Variants in ACSM6 observed in about 807,000 individuals in gnomAD.
ACSM6 encodes acyl-coenzyme A synthetase ACSM6, mitochondrial.
In ACSM6, 35 loss-of-function variants were observed where a neutral mutation model predicts 51.1. That is an observed-to-expected ratio of 0.69 (90% CI 0.52 to 0.91). The LOEUF (loss-of-function observed/expected upper bound fraction) is 0.91, where lower values mean the gene tolerates loss of function less well. ACSM6 is among the 40% of genes least tolerant of loss of function. The pLI is 0.00. For missense variants in ACSM6, 509 were observed against 584.1 expected (o/e 0.87, Z 1.32); for synonymous variants, 172 against 207.3 (o/e 0.83, Z 1.46).
At chr10:95,215,346 AATAAAGGAGAAATGGGTT>A (rs981046436) in intron 8 of ACSM6, among the ~76,000 whole-genome samples, 1 of 152,196 alleles carries the variant, frequency 6.6e-6, no homozygotes, top group Non-Finnish European at 1.5e-5. Flanking sequence ...AGATTATGAA[AATAAAGGAGAAATGGGTT>A]ATGATAAGAG....
At chr10:95,203,334 T>G (rs939626772) in intron 3 of ACSM6, among the ~76,000 whole-genome samples, 4 of 152,172 alleles carry the variant, frequency 2.6e-5, no homozygotes, top group African/African-American at 9.7e-5. Flanking sequence ...TGTATAATTA[T>G]TTCAATATAT....
rs746330193 is a variant in ACSM6 at position 95,223,977 on chromosome 10, AATT to A, written c.1201-1308_1201-1306del. Reference sequence around the variant, plus strand: ...CAGGAAATAAGATCAATATACAAAAAATTATTAATAGTATTTCTACATAGTATC... The same window carrying A: ...CAGGAAATAAGATCAATATACAAAAAATTAATAGTATTTCTACATAGTATC... On this transcript the variant is annotated intron_variant, in intron 9 of 10. Transcript: ENST00000341686. 1.2e-4 allele frequency among the ~76,000 whole-genome samples: 19 copies of A among 152,334 alleles called. No individual in the cohort carries two copies. The East Asian group carries it at 1.7e-3, about 14-fold the overall frequency.
intron 3 of ACSM6, among the ~76,000 whole-genome samples, chr10:95,206,630 T>A (rs999248754): frequency 1.3e-5 from 2 of 152,128 alleles, no homozygotes; most frequent in Admixed American, 1.3e-4. Flanking sequence ...CTAGAAGTAT[T>A]CTAGTTCTCT....
chr10:95,199,040 C>CA (rs1371297102), intron 2 of ACSM6, among the ~76,000 whole-genome samples: 3 of 152,050 alleles, frequency 2.0e-5, no homozygotes, highest in Non-Finnish European at 2.9e-5. Flanking sequence ...CCTGCATTGC[C>CA]AAGTCAATCC....
At chr10:95,212,882 A>G (rs766009067) in exon 7 of ACSM6, 2 of 1,613,532 alleles carry the variant, frequency 1.2e-6, no homozygotes, top group Non-Finnish European at 1.7e-6. Context: ...TCCCATCACC[A>G]CTCTATCTGC....
intron 2 of ACSM6, among the ~76,000 whole-genome samples, chr10:95,195,850 G>A (rs2034720137): frequency 1.3e-5 from 2 of 152,210 alleles, no homozygotes; most frequent in South Asian, 2.1e-4. Context: ...TTCTGTTTAG[G>A]AGACTTAATT....
rs1040996998 is a variant in ACSM6 at position 95,228,858 on chromosome 10, G to C, written c.*74G>C. ...GACTCTGGACTGCTTCCAATACGTA[G>C]GAATTATATTTCTAAAGTTTAGAAA... On this transcript the variant is annotated 3_prime_UTR_variant, in exon 11 of 11. Coordinates refer to ENST00000341686, the Ensembl canonical transcript of ACSM6. 3.0e-6 allele frequency: 4 copies of C among 1,311,862 alleles called. No individual in the cohort carries two copies. In the African/African-American group the frequency reaches 6.1e-5, roughly 20 times the overall value. 81.3% of individuals were successfully genotyped at this position (1,311,862 alleles called of 1,614,324 possible). A position where few individuals can be genotyped will look rare whatever the true frequency, so the allele number is the denominator to read the frequency against.
intron 4 of ACSM6, among the ~76,000 whole-genome samples, chr10:95,208,820 TC>T (rs1564588478): frequency 6.6e-6 from 1 of 150,422 alleles, no homozygotes; most frequent in Non-Finnish European, 1.5e-5. Flanking sequence ...GTTTCAGGCA[TC>T]CACTGAGGGT....
At chr10:95,219,864 A>C (rs771496564) in intron 8 of ACSM6, 27 bp from the exon 9 acceptor site, 38 of 1,583,162 alleles carry the variant, frequency 2.4e-5, no homozygotes, top group Middle Eastern at 1.7e-4. Flanking sequence ...TTTTTAAAGA[A>C]AAACTTGTCT....
chr10:95,215,705 G>T (rs1254186497), intron 8 of ACSM6, among the ~76,000 whole-genome samples: 1 of 152,178 alleles, frequency 6.6e-6, no homozygotes, highest in Non-Finnish European at 1.5e-5. Context: ...GTCTGCTCAG[G>T]CTGCTGTAAC....
At chr10:95,212,837 T>G in intron 6 of ACSM6, 21 bp from the exon 7 acceptor site, 1 of 1,591,480 alleles carries the variant, frequency 6.3e-7, no homozygotes, top group Non-Finnish European at 8.6e-7. Flanking sequence ...AGATTTTGTT[T>G]TTCCTTCCTT....
rs34370150 is a variant in ACSM6, at chr10:95,208,933, TAAAAAAAAA to T, written c.611+1537_611+1545del. Among the ~76,000 whole-genome samples, 26 of 33,924 alleles carry T rather than the reference TAAAAAAAAA, an allele frequency of 7.7e-4. 1 individual carries two copies. Among genetic ancestry groups the T allele is most frequent in the South Asian group, 5.0e-3 (2 of 398 alleles). 22.3% of individuals were successfully genotyped at this position (33,924 alleles called of 152,430 possible). ...CAGTATTTCAGTGTCCAGGGATGTT[TAAAAAAAAA>T]AAAAAAAAAAAAAAAAAAGCAGTAA... On this transcript the variant is annotated intron_variant, in intron 4 of 10. Coordinates refer to ENST00000341686, the Ensembl canonical transcript of ACSM6.
At chr10:95,209,088 GC>G (rs936091986) in intron 4 of ACSM6, among the ~76,000 whole-genome samples, 5 of 151,926 alleles carry the variant, frequency 3.3e-5, no homozygotes, top group African/African-American at 1.2e-4. Flanking sequence ...AACAAAACAG[GC>G]AAATTAAATA....
At chr10:95,194,707 C>T (rs1564584679) in intron 2 of ACSM6, 30 bp downstream of exon 2, 1 of 1,537,392 alleles carries the variant, frequency 6.5e-7, no homozygotes, top group Non-Finnish European at 8.8e-7. Context: ...ACCTTGGAAA[C>T]TTTGGCCAAG....
chr10:95,221,654 C>CT (rs2133391896), intron 9 of ACSM6, among the ~76,000 whole-genome samples: 1 of 152,092 alleles, frequency 6.6e-6, no homozygotes, highest in African/African-American at 2.4e-5. Context: ...GGATAAAGTC[C>CT]TAAAAACATA....
At chr10:95,210,143 T>G (rs1196897085) in intron 4 of ACSM6, among the ~76,000 whole-genome samples, 1 of 152,266 alleles carries the variant, frequency 6.6e-6, no homozygotes, top group East Asian at 1.9e-4. Flanking sequence ...ATATTATTTA[T>G]CTTGACTACT....
chr10:95,203,375 G>A (rs895118667), intron 3 of ACSM6, among the ~76,000 whole-genome samples: 3 of 152,086 alleles, frequency 2.0e-5, no homozygotes, highest in Non-Finnish European at 4.4e-5. Context: ...GAAATAAAGT[G>A]CACAATAAAT....
exon 3 of ACSM6, chr10:95,202,166 A>C: frequency 6.4e-7 from 1 of 1,552,162 alleles, no homozygotes; most frequent in South Asian, 1.2e-5. Flanking sequence ...CCTGAAGCCT[A>C]CTGGATCTGC....
chr10:95,197,029 C>T (rs530615226), intron 2 of ACSM6, among the ~76,000 whole-genome samples: 1 of 152,134 alleles, frequency 6.6e-6, no homozygotes, highest in Non-Finnish European at 1.5e-5. Context: ...ATGCACTACA[C>T]GAGCATTTGG....
Sources: gnomAD v4.1 joint callset for allele counts (sites outside exome capture counted in the v4.1 genomes callset) on GRCh38, gnomAD v4.1.1 for gene constraint, MANE v1.5 for transcripts, NCBI Gene and HGNC (gene_info 2026-07-23, HGNC 2026-07-21) for gene names.